Variants in TMEM131L observed in about 807,000 individuals in gnomAD.
TMEM131L encodes transmembrane protein 131-like.
TMEM131L carries 54 observed loss-of-function variants against 192.2 expected under a neutral mutation model. The observed-to-expected ratio is 0.28, with a 90% CI of 0.23 to 0.35. The LOEUF is 0.35. TMEM131L is among the 10% of genes least tolerant of loss of function. The pLI, the probability that TMEM131L is intolerant of heterozygous loss-of-function variation, is 1.00. For synonymous variants in TMEM131L, 701 were observed against 704.9 expected, an observed-to-expected ratio of 0.99 and a Z score of 0.09; for missense variants, 1,888 against 1,972.9, an observed-to-expected ratio of 0.96 and a Z score of 0.82.
intron 3 of TMEM131L, among the ~76,000 whole-genome samples, chr4:153,495,171 C>T (rs1054792954): frequency 2.6e-5 from 4 of 151,980 alleles, no homozygotes; most frequent in Admixed American, 1.3e-4. Context: ...AAAAATTAGC[C>T]GGGCGTGGTG....
Position 153,636,673 on chromosome 4 carries a change from T to A in TMEM131L, c.*97T>A. 8.1e-7 allele frequency: 1 copy of A among 1,232,962 alleles called. No homozygotes were observed. Among genetic ancestry groups the A allele is most frequent in the Non-Finnish European group, 1.1e-6 (1 of 890,366 alleles). The allele number at this position is 1,232,962 out of a possible 1,614,324, so 76.4% of individuals were successfully genotyped here. A position where few individuals can be genotyped will look rare whatever the true frequency, so the allele number is the denominator to read the frequency against. ...AGATAGATTATGACATTGGTGGATA[T>A]TTTGGCACTTTTATATGAAAATAAA... On this transcript the variant is annotated 3_prime_UTR_variant, in exon 35 of 35. Coordinates refer to ENST00000409959, the MANE Select transcript of TMEM131L (RefSeq NM_001131007.2).
At chr4:153,545,290 C>CTTTTTTTTTTTTTTTTTTTTTTTTTT (rs59852943) in intron 3 of TMEM131L, among the ~76,000 whole-genome samples, 12 of 132,316 alleles carry the variant, frequency 9.1e-5, no homozygotes, top group East Asian at 5.1e-4. Flanking sequence ...CTTTTTCAAA[C>CTTTTTTTTTTTTTTTTTTTTTTTTTT]TTTTTTTTTT....
chr4:153,568,146 G>C (rs1407438243), intron 7 of TMEM131L, among the ~76,000 whole-genome samples: 1 of 152,158 alleles, frequency 6.6e-6, no homozygotes, highest in Non-Finnish European at 1.5e-5. Flanking sequence ...ATTTTCTTAA[G>C]TTTCAAGTGA....
intron 3 of TMEM131L, among the ~76,000 whole-genome samples, chr4:153,478,940 T>C (rs929934022): frequency 1.3e-5 from 2 of 152,216 alleles, no homozygotes; most frequent in African/African-American, 2.4e-5. Context: ...AATGAATGCA[T>C]TGTCTCTTAA....
chr4:153,515,593 A>T (rs1415040803), intron 3 of TMEM131L, among the ~76,000 whole-genome samples: 2 of 152,216 alleles, frequency 1.3e-5, no homozygotes, highest in African/African-American at 4.8e-5. Context: ...TTATATATCT[A>T]CGAGTGGTAT....
intron 3 of TMEM131L, among the ~76,000 whole-genome samples, chr4:153,486,357 G>A (rs952397817): frequency 6.6e-6 from 1 of 152,250 alleles, no homozygotes; most frequent in African/African-American, 2.4e-5. Context: ...CCATTGTAAT[G>A]TGTGCTGAGA....
intron 3 of TMEM131L, among the ~76,000 whole-genome samples, chr4:153,545,290 C>CTT (rs59852943): frequency 0.24 from 31,507 of 132,166 alleles, 4,842 homozygotes; most frequent in African/African-American, 0.39. Flanking sequence ...CTTTTTCAAA[C>CTT]TTTTTTTTTT....
At chr4:153,546,881 C>T (rs11946449) in intron 3 of TMEM131L, among the ~76,000 whole-genome samples, 32,466 of 152,168 alleles carry the variant, frequency 0.21, 5,046 homozygotes, top group African/African-American at 0.41. Flanking sequence ...GAGCCGAGTT[C>T]ATGCTATTGC....
chr4:153,503,345 A>G (rs1733743479), intron 3 of TMEM131L, among the ~76,000 whole-genome samples: 1 of 152,114 alleles, frequency 6.6e-6, no homozygotes, highest in African/African-American at 2.4e-5. Flanking sequence ...AAGATAGGAC[A>G]GGATTAACCT....
Position 153,585,442 on chromosome 4 carries a change from TGTC to T in TMEM131L, c.1158-12_1158-10del. The T allele has an allele frequency of 6.2e-7, 1 of 1,613,138 alleles. No homozygotes were observed. Among genetic ancestry groups the T allele is most frequent in the Non-Finnish European group, 8.5e-7 (1 of 1,179,550 alleles). On this transcript the variant is annotated splice_polypyrimidine_tract_variant and intron_variant, in intron 12 of 34. Coordinates refer to ENST00000409959, the MANE Select transcript of TMEM131L (RefSeq NM_001131007.2). The stretch of plus-strand genomic sequence containing the variant: ...CCACACTCAGGCCTGATAGCATGCA[TGTC>T]GTCTGTTCACAGGTATTTTAGAATG...
rs1733809605 is a variant in TMEM131L at position 153,504,185 on chromosome 4, T to G, written c.239+30297T>G. Among the ~76,000 whole-genome samples the G allele has an allele frequency of 3.3e-5, 5 of 151,134 alleles. No homozygotes were observed. The South Asian group carries it at 8.4e-4, about 25-fold the overall frequency. The stretch of plus-strand genomic sequence containing the variant: ...GGGTTTCACTGTGTTGGCCAGGATG[T>G]TCTCGATCTCCTGACCTTGTGATCC... On this transcript the variant is annotated intron_variant, in intron 3 of 34. Transcript: ENST00000409959.
chr4:153,484,487 GAGAC>G (rs1183388576), intron 3 of TMEM131L, among the ~76,000 whole-genome samples: 2 of 142,570 alleles, frequency 1.4e-5, no homozygotes, highest in African/African-American at 5.2e-5. Flanking sequence ...TTTTTTTTTT[GAGAC>G]AGAGTCTCGC....
At chr4:153,579,534 G>A (rs1031381940) in intron 7 of TMEM131L, among the ~76,000 whole-genome samples, 2 of 152,084 alleles carry the variant, frequency 1.3e-5, no homozygotes, top group African/African-American at 4.8e-5. Flanking sequence ...AAGATTAAAA[G>A]AGTCACGGTT....
chr4:153,632,195 C>T (rs1483367772), intron 31 of TMEM131L, among the ~76,000 whole-genome samples: 1 of 152,150 alleles, frequency 6.6e-6, no homozygotes, highest in African/African-American at 2.4e-5. Flanking sequence ...TGCCTATAGT[C>T]CCAGTTACGC....
chr4:153,626,320 TA>T, intron 30 of TMEM131L, 95 bp downstream of exon 30: 1 of 792,114 alleles, frequency 1.3e-6, no homozygotes. Context: ...TTCTGCAGGT[TA>T]AAATATGAAA....
At chr4:153,624,119 T>TA (rs397750424) in intron 29 of TMEM131L, among the ~76,000 whole-genome samples, 5 of 146,420 alleles carry the variant, frequency 3.4e-5, no homozygotes, top group Admixed American at 1.4e-4. Context: ...TTTTTTTTTT[T>TA]AATTATTTAT....
rs1238865365 is a variant in TMEM131L, at chr4:153,479,864, C to T, written c.239+5976C>T. Among the ~76,000 whole-genome samples, 3 of 152,184 alleles carry T rather than the reference C, an allele frequency of 2.0e-5. 1 individual carries two copies. The highest frequency in any genetic ancestry group is 4.4e-5 in the Non-Finnish European group (3 of 68,018). On this transcript the variant is annotated intron_variant, in intron 3 of 34. Transcript: ENST00000409959. The stretch of plus-strand genomic sequence containing the variant: ...ACTCGCTTTTGGCAGTGAAACATTT[C>T]AGAGCCCCCACAGGGAGTGGAACTA...
At chr4:153,629,743 G>A (rs1734088105) in intron 31 of TMEM131L, among the ~76,000 whole-genome samples, 1 of 152,188 alleles carries the variant, frequency 6.6e-6, no homozygotes, top group Non-Finnish European at 1.5e-5. Flanking sequence ...ATATTGGCCT[G>A]TGACAGACAC....
intron 25 of TMEM131L, among the ~76,000 whole-genome samples, chr4:153,610,166 T>C (rs542140316): frequency 7.9e-5 from 12 of 152,348 alleles, no homozygotes; most frequent in African/African-American, 2.6e-4. Context: ...AGCAGTCCTC[T>C]AAATGAAGTT....
Sources: gnomAD v4.1 joint callset for allele counts (sites outside exome capture counted in the v4.1 genomes callset) on GRCh38, gnomAD v4.1.1 for gene constraint, MANE v1.5 for transcripts, NCBI Gene and HGNC (gene_info 2026-07-23, HGNC 2026-07-21) for gene names.